The following HMCN2 variants were observed in gnomAD, a reference collection of about 807,000 sequenced individuals.
HMCN2 encodes the protein hemicentin 2.
HMCN2 carries 325 observed loss-of-function variants against 377.5 expected under a neutral mutation model. The observed-to-expected ratio is 0.86, with a 90% confidence interval of 0.79 to 0.94. HMCN2 has a LOEUF of 0.94. Ranked by LOEUF, HMCN2 falls within the 40% of genes least tolerant of loss-of-function variation. HMCN2 has a pLI of 0.00. For synonymous variants in HMCN2, 2,007 were observed against 2,046.8 expected (o/e 0.98, Z 0.53); for missense variants, 4,543 against 4,725.3 (o/e 0.96, Z 1.13).
Position 130,425,944 on chromosome 9 carries a change from TTC to T in HMCN2, c.13879+21_13879+22del. Reference sequence around the variant, plus strand: ...AGGCGGGTGAGGCCCCTCTGCTTTGTTCCACCCCCACTGCCCCAGCTAAAACC... The same window carrying T: ...AGGCGGGTGAGGCCCCTCTGCTTTGTCACCCCCACTGCCCCAGCTAAAACC... On this transcript the variant is annotated intron_variant, in intron 90 of 97. Transcript: ENST00000683500. 6.6e-7 allele frequency: 1 copy of T among 1,523,744 alleles called. No individual in the cohort carries two copies. 94.4% of individuals were successfully genotyped at this position (1,523,744 alleles called of 1,614,324 possible).
chr9:130,316,418 G>T (rs1837564731), intron 15 of HMCN2, among the ~76,000 whole-genome samples: 1 of 151,768 alleles, frequency 6.6e-6, no homozygotes, highest in Non-Finnish European at 1.5e-5. Context: ...GTGGGTGGGG[G>T]AGGGAGGCAG....
chr9:130,282,672 T>G (rs921964539), intron 1 of HMCN2, among the ~76,000 whole-genome samples: 12 of 152,216 alleles, frequency 7.9e-5, no homozygotes, highest in African/African-American at 2.7e-4. Flanking sequence ...TCTACAGGCT[T>G]TCCTTTCTAA....
At chr9:130,333,722 C>T (rs1727507686) in intron 22 of HMCN2, among the ~76,000 whole-genome samples, 2 of 152,216 alleles carry the variant, frequency 1.3e-5, no homozygotes, top group African/African-American at 4.8e-5. Context: ...CCAAACCTCC[C>T]ACTGAGCTTC....
At chr9:130,336,872 AC>A (rs1450190757) in intron 22 of HMCN2, among the ~76,000 whole-genome samples, 1 of 151,734 alleles carries the variant, frequency 6.6e-6, no homozygotes, top group African/African-American at 2.4e-5. Context: ...GGCTATGAGG[AC>A]CCCTAAGAAT....
At position 130,353,140 on chromosome 9, in the gene HMCN2, T is replaced by C; in HGVS notation, c.4799T>C (p.Val1600Ala). The C allele has an allele frequency of 7.7e-7, 1 of 1,304,098 alleles. No homozygotes were observed. The highest frequency in any genetic ancestry group is 1.0e-6 in the Non-Finnish European group (1 of 988,912). The allele number at this position is 1,304,098 out of a possible 1,614,324, so 80.8% of individuals were successfully genotyped here. A position where few individuals can be genotyped will look rare whatever the true frequency, so the allele number is the denominator to read the frequency against. The change falls in exon 31 of 98, where the codon GTC becomes GCC. Residue 1600 changes from valine to alanine, a missense_variant. Around this residue, in one of 5 missense-constraint regions of HMCN2, gnomAD observed 1,032 missense variants for 1,285.1 expected, o/e 0.80. Transcript: ENST00000683500. ...LGRAQSSDAG[V>A]YTCKASNAVG... is the part of the protein sequence containing the mutation. ...AGGGCCCAGAGCTCCGATGCCGGCG[T>C]CTACACCTGCAAGGCCAGCAATGCT...
At position 130,355,730 on chromosome 9, in the gene HMCN2, T is replaced by G; in HGVS notation, c.5147-16T>G. The G allele has an allele frequency of 5.5e-6, 7 of 1,278,750 alleles. No homozygotes were observed. The highest frequency in any genetic ancestry group is 7.2e-6 in the Non-Finnish European group (7 of 967,336). The allele number at this position is 1,278,750 out of a possible 1,614,324, so 79.2% of individuals were successfully genotyped here. ...CTGCTCAGCTCCAAACACCCAGGAGTGTGTTCTGCCTGCAGTGCCCCCACA... is the reference window on the plus strand; with the variant it reads ...CTGCTCAGCTCCAAACACCCAGGAGGGTGTTCTGCCTGCAGTGCCCCCACA... On this transcript the variant is annotated splice_polypyrimidine_tract_variant and intron_variant, in intron 32 of 97. Transcript: ENST00000683500.
chr9:130,277,068 C>T (rs1484439542), intron 1 of HMCN2, among the ~76,000 whole-genome samples: 2 of 152,224 alleles, frequency 1.3e-5, no homozygotes, highest in Non-Finnish European at 2.9e-5. Context: ...TGAAGCTGGG[C>T]GAGGAAGTGG....
At chr9:130,373,597 G>T (rs753615808) in intron 48 of HMCN2, among the ~76,000 whole-genome samples, 6 of 124,262 alleles carry the variant, frequency 4.8e-5, no homozygotes, top group Non-Finnish European at 8.7e-5. Context: ...GGATGGGTGG[G>T]TGGGTGGGTG....
rs1393255863 is a variant in HMCN2, at chr9:130,308,816, TA to T, written c.2201-1095del. Among the ~76,000 whole-genome samples the T allele has an allele frequency of 6.6e-6, 1 of 152,242 alleles. No individual in the cohort carries two copies. Among genetic ancestry groups the T allele is most frequent in the Non-Finnish European group, 1.5e-5 (1 of 68,044 alleles). On this transcript the variant is annotated intron_variant, in intron 14 of 97. Transcript: ENST00000683500. The surrounding 1 kb of genome is among the most constrained non-coding windows in gnomAD (Gnocchi z 4.1). ...CATGGATGTCCTGCTAGGTGGACGC[TA>T]TTCTAGGTGAAGTCAGCCAGACACA...
intron 1 of HMCN2, among the ~76,000 whole-genome samples, chr9:130,268,102 C>T (rs185885336): frequency 6.6e-6 from 1 of 152,192 alleles, no homozygotes; most frequent in African/African-American, 2.4e-5. Flanking sequence ...ATATGTGGCT[C>T]CAGTGGCCCA....
chr9:130,348,969 G>A lies in HMCN2; in HGVS notation c.4156-15G>A. ...GATCCCCTCTTACTGGCTCCCTCTG[G>A]CCTCTCCTACCCAGATTCCTAAGGT... is the stretch of plus-strand genomic sequence containing the variant. On this transcript the variant is annotated splice_polypyrimidine_tract_variant and intron_variant, in intron 27 of 97. Coordinates refer to ENST00000683500, the MANE Select transcript of HMCN2 (RefSeq NM_001291815.2). The A allele has an allele frequency of 7.7e-7, 1 of 1,302,578 alleles. No individual in the cohort carries two copies. Among genetic ancestry groups the A allele is most frequent in the Non-Finnish European group, 1.0e-6 (1 of 987,926 alleles). The allele number at this position is 1,302,578 out of a possible 1,614,324, so 80.7% of individuals were successfully genotyped here. A position where few individuals can be genotyped will look rare whatever the true frequency, so the allele number is the denominator to read the frequency against.
Position 130,408,759 on chromosome 9 carries a change from A to T in HMCN2, c.12705A>T (p.Gln4235His), listed in dbSNP as rs1843243822. 7.8e-7 allele frequency: 1 copy of T among 1,289,042 alleles called. No homozygotes were observed. The highest frequency in any genetic ancestry group is 2.3e-5 in the Admixed American group (1 of 43,490). 79.9% of individuals were successfully genotyped at this position (1,289,042 alleles called of 1,614,324 possible). A position where few individuals can be genotyped will look rare whatever the true frequency, so the allele number is the denominator to read the frequency against. Reference sequence around the variant, plus strand: ...CCCATGCAGAGGCTCCTGTCCTACAAGGGGAGGCTTTCTCCTACCTGGTGG... The same window carrying T: ...CCCATGCAGAGGCTCCTGTCCTACATGGGGAGGCTTTCTCCTACCTGGTGG... ...FVHVKEAPVL[Q>H]GEAFSYLVEP... Residue 4235 changes from glutamine (Q) to histidine (H), a missense_variant, in exon 84 of 98, where the codon CAA (glutamine) becomes CAT (histidine). Physicochemically the swap from Gln to His is conservative, Grantham distance 24. Transcript: ENST00000683500.
At position 130,354,833 on chromosome 9, in the gene HMCN2, G is replaced by A. The variant is rs761248392; in HGVS notation, c.4935G>A (p.Ala1645=). The A allele has an allele frequency of 8.4e-6, 11 of 1,304,096 alleles. No homozygotes were observed. Among genetic ancestry groups the A allele is most frequent in the East Asian group, 1.1e-4 (2 of 18,038 alleles). The allele number at this position is 1,304,096 out of a possible 1,614,324, so 80.8% of individuals were successfully genotyped here. Residue 1645 remains alanine (A), a synonymous_variant, in exon 32 of 98, where the codon GCG becomes GCA. Transcript: ENST00000683500. ...VVKAVAGRPV[A]LECVARGHPS... Reference sequence around the variant, plus strand: ...AGGCTGTGGCTGGGAGGCCTGTGGCGCTGGAGTGCGTGGCCAGAGGCCACC... The same window carrying A: ...AGGCTGTGGCTGGGAGGCCTGTGGCACTGGAGTGCGTGGCCAGAGGCCACC...
Position 130,431,410 on chromosome 9 carries a change from C to T in HMCN2, c.14691C>T (p.Cys4897=), listed in dbSNP as rs778083437. The T allele has an allele frequency of 1.9e-6, 3 of 1,550,258 alleles. No homozygotes were observed. The highest frequency in any genetic ancestry group is 2.4e-5 in the East Asian group (1 of 40,912). The change falls in exon 96 of 98, where the codon TGC becomes TGT. Residue 4897 remains cysteine, a synonymous_variant. Transcript: ENST00000683500. ...TGAGGAACCTGTGTCAGCACGCCTGCCGCAACACTGAGGGCAGCTACCAGT... is the reference window on the plus strand; with the variant it reads ...TGAGGAACCTGTGTCAGCACGCCTGTCGCAACACTGAGGGCAGCTACCAGT... ...CRVRNLCQHA[C]RNTEGSYQCL...
intron 19 of HMCN2, among the ~76,000 whole-genome samples, chr9:130,322,599 G>A (rs896031534): frequency 9.9e-5 from 15 of 152,058 alleles, no homozygotes; most frequent in Non-Finnish European, 1.8e-4. Flanking sequence ...CCGCCCAACC[G>A]CATCCCCCAC....
intron 15 of HMCN2, among the ~76,000 whole-genome samples, chr9:130,313,745 T>TTTTA (rs1837395351): frequency 6.6e-6 from 1 of 151,450 alleles, no homozygotes; most frequent in Non-Finnish European, 1.5e-5. Context: ...GTGCTTTACT[T>TTTTA]CATTCCTCTC....
At chr9:130,371,352 C>A (rs1841007965) in intron 46 of HMCN2, among the ~76,000 whole-genome samples, 2 of 151,712 alleles carry the variant, frequency 1.3e-5, no homozygotes, top group African/African-American at 2.4e-5. Context: ...AGGCTTCCTG[C>A]TCTGTTCATC....
intron 82 of HMCN2, chr9:130,406,734 T>C (rs1209359236): frequency 1.3e-5 from 2 of 155,958 alleles, no homozygotes; most frequent in Admixed American, 1.2e-4. Flanking sequence ...CTCCACCACT[T>C]CCTGGGGAGG....
chr9:130,408,996 G>A (rs969702022), intron 84 of HMCN2, 63 bp downstream of exon 84: 5 of 1,108,494 alleles, frequency 4.5e-6, no homozygotes, highest in Admixed American at 5.0e-5. Context: ...TTTTCAGATT[G>A]TTCAAGAGGG....
Sources: gnomAD v4.1 joint callset for allele counts (sites outside exome capture counted in the v4.1 genomes callset) on GRCh38, gnomAD v4.1.1 for gene constraint, gnomAD v4.1.1 regional missense constraint, Gnocchi (gnomAD v3.1) non-coding constraint, MANE v1.5 for transcripts, NCBI Gene and HGNC (gene_info 2026-07-23, HGNC 2026-07-21) for gene names.